Variants in VTI1A observed in about 807,000 individuals in gnomAD.
VTI1A encodes vesicle transport through interaction with t-SNAREs 1A, also known as vesicle transport through interaction with t-SNAREs homolog 1A.
A neutral mutation model predicts 34.9 loss-of-function variants in VTI1A; 22 were observed. The observed-to-expected ratio is 0.63, with a 90% CI of 0.45 to 0.90. VTI1A has a LOEUF of 0.90. Among genes scored for constraint, VTI1A ranks in the 40% least tolerant of loss-of-function variants. The pLI, the probability that VTI1A is intolerant of heterozygous loss-of-function variation, is 0.00. For missense variants in VTI1A, 268 were observed against 275.6 expected, an observed-to-expected ratio of 0.97 and a Z score of 0.20; for synonymous variants, 87 against 97.3, an observed-to-expected ratio of 0.89 and a Z score of 0.62.
At chr10:112,532,639 T>C (rs1015233115) in intron 4 of VTI1A, among the ~76,000 whole-genome samples, 2 of 152,086 alleles carry the variant, frequency 1.3e-5, no homozygotes, top group African/African-American at 4.8e-5. Context: ...AATAGAAAAA[T>C]GTTCTAAATA....
chr10:112,738,046 A>C (rs541219090), intron 7 of VTI1A, among the ~76,000 whole-genome samples: 1 of 152,274 alleles, frequency 6.6e-6, no homozygotes, highest in South Asian at 2.1e-4. Flanking sequence ...ACTGCACCAC[A>C]ATCTCATTCT....
At chr10:112,582,416 C>A (rs112923169) in intron 5 of VTI1A, among the ~76,000 whole-genome samples, 1 of 152,098 alleles carries the variant, frequency 6.6e-6, no homozygotes, top group Non-Finnish European at 1.5e-5. Flanking sequence ...TCCTCACATG[C>A]CAAGTACATT....
At chr10:112,718,408 G>A (rs979379532) in intron 7 of VTI1A, among the ~76,000 whole-genome samples, 5 of 152,170 alleles carry the variant, frequency 3.3e-5, no homozygotes, top group African/African-American at 7.2e-5. Flanking sequence ...TAGCATGTTC[G>A]TGGTAAGAAA....
intron 3 of VTI1A, among the ~76,000 whole-genome samples, chr10:112,494,698 A>G (rs1158802601): frequency 6.6e-6 from 1 of 152,056 alleles, no homozygotes; most frequent in Non-Finnish European, 1.5e-5. Flanking sequence ...TAATAGAGAC[A>G]GTGTTTCACC....
intron 1 of VTI1A, among the ~76,000 whole-genome samples, chr10:112,451,324 A>G (rs1160693498): frequency 1.3e-5 from 2 of 152,306 alleles, no homozygotes; most frequent in Non-Finnish European, 2.9e-5. Context: ...CACAGAGAAA[A>G]CACGTGATAT....
intron 7 of VTI1A, among the ~76,000 whole-genome samples, chr10:112,734,075 T>C (rs1202619679): frequency 1.3e-5 from 2 of 152,154 alleles, no homozygotes; most frequent in Non-Finnish European, 2.9e-5. Flanking sequence ...TTACTGCTCC[T>C]GCCCCTTTCA....
chr10:112,770,431 T>C (rs1358375782), intron 7 of VTI1A, among the ~76,000 whole-genome samples: 2 of 151,806 alleles, frequency 1.3e-5, no homozygotes, highest in African/African-American at 4.8e-5. Flanking sequence ...AGTCTTGCTC[T>C]GTCACCCAGG....
At chr10:112,653,033 T>A (rs529439688) in intron 5 of VTI1A, among the ~76,000 whole-genome samples, 1 of 152,192 alleles carries the variant, frequency 6.6e-6, no homozygotes, top group Non-Finnish European at 1.5e-5. Context: ...GCATAGGGGC[T>A]CAAGAGCCCC....
At chr10:112,845,237 C>A in the VTI1A span, among the ~76,000 whole-genome samples, 1 of 152,310 alleles carries the variant, frequency 6.6e-6, no homozygotes, top group African/African-American at 2.4e-5. Context: ...GAAACCCGCA[C>A]CCAACGGCCT....
intron 5 of VTI1A, among the ~76,000 whole-genome samples, chr10:112,613,047 G>A (rs1303395017): frequency 6.6e-6 from 1 of 151,884 alleles, no homozygotes; most frequent in Non-Finnish European, 1.5e-5. Flanking sequence ...TTTTCTCAAT[G>A]TTAATACTTA....
At chr10:112,634,607 G>A (rs1411358394) in intron 5 of VTI1A, among the ~76,000 whole-genome samples, 1 of 151,832 alleles carries the variant, frequency 6.6e-6, no homozygotes, top group Admixed American at 6.6e-5. Flanking sequence ...TTTCTGAGGA[G>A]TCTGCTGCTT....
intron 5 of VTI1A, among the ~76,000 whole-genome samples, chr10:112,662,038 C>T (rs1273459422): frequency 1.3e-5 from 2 of 152,150 alleles, no homozygotes; most frequent in East Asian, 3.8e-4. Flanking sequence ...TCCCAAACTG[C>T]TGGGATTACA....
intron 7 of VTI1A, among the ~76,000 whole-genome samples, chr10:112,803,460 C>T (rs920892459): frequency 5.9e-5 from 9 of 152,298 alleles, no homozygotes; most frequent in Middle Eastern, 3.4e-3. Flanking sequence ...GTACAGACAC[C>T]GTTAGAGGCA....
chr10:112,535,076 G>A (rs962287422), intron 4 of VTI1A, among the ~76,000 whole-genome samples: 8 of 152,052 alleles, frequency 5.3e-5, no homozygotes, highest in Admixed American at 2.0e-4. Context: ...AAAGCATCAC[G>A]TCTGCATTTC....
intron 7 of VTI1A, among the ~76,000 whole-genome samples, chr10:112,789,307 A>G (rs954576683): frequency 6.6e-6 from 1 of 152,160 alleles, no homozygotes; most frequent in African/African-American, 2.4e-5. Context: ...GTATTGCTAG[A>G]TATAGAATTC....
At chr10:112,537,819 A>G (rs1850704225) in intron 4 of VTI1A, among the ~76,000 whole-genome samples, 1 of 152,208 alleles carries the variant, frequency 6.6e-6, no homozygotes, top group South Asian at 2.1e-4. Context: ...CTGTTTTAAA[A>G]TTTCTATCTG....
chr10:112,546,049 C>T (rs143339908), intron 5 of VTI1A, among the ~76,000 whole-genome samples: 4,532 of 145,192 alleles, frequency 0.031, 406 homozygotes, highest in African/African-American at 0.11. Flanking sequence ...TGTGTATATA[C>T]GTGTATACGC....
chr10:112,824,742 G>C, the VTI1A span: 4 of 152,272 alleles, frequency 2.6e-5, no homozygotes, highest in African/African-American at 4.8e-5. Flanking sequence ...CCAGTGGCCT[G>C]ATGTGTGGCC....
chr10:112,686,048 C>G (rs770580195), intron 7 of VTI1A, among the ~76,000 whole-genome samples: 3 of 152,196 alleles, frequency 2.0e-5, no homozygotes, highest in Non-Finnish European at 4.4e-5. Context: ...CCTGGGAACT[C>G]TGGTTTCCTT....
Sources: allele counts gnomAD v4.1 joint callset (sites outside exome capture counted in the v4.1 genomes callset), GRCh38; gene constraint gnomAD v4.1.1; transcripts MANE v1.5; gene names NCBI Gene and HGNC (gene_info 2026-07-23, HGNC 2026-07-21).